Variants in TMEM18 observed in about 807,000 individuals in gnomAD.
TMEM18 encodes transmembrane protein 18.
A neutral mutation model predicts 17.4 loss-of-function variants in TMEM18; 14 were observed. The observed-to-expected ratio is 0.80, with a 90% confidence interval of 0.53 to 1.25. TMEM18 has a LOEUF of 1.25. TMEM18 is among the 50% of genes most tolerant of loss of function. The probability of loss-of-function intolerance (pLI) is 0.00; values close to 1 mark genes in which losing one functional copy is unlikely to be tolerated. For missense variants in TMEM18, 187 were observed against 172.1 expected, an observed-to-expected ratio of 1.09 and a Z score of -0.48; for synonymous variants, 86 against 66.1, an observed-to-expected ratio of 1.30 and a Z score of -1.46.
At chr2:674,517 C>G (rs938512897) in intron 2 of TMEM18, among the ~76,000 whole-genome samples, 1 of 152,194 alleles carries the variant, frequency 6.6e-6, no homozygotes, top group Admixed American at 6.5e-5. Flanking sequence ...GTGCTGGTGT[C>G]CCCCAGGAAG....
At chr2:675,444 A>G in intron 2 of TMEM18, 66 bp downstream of exon 2, 1 of 1,605,700 alleles carries the variant, frequency 6.2e-7, no homozygotes, top group Admixed American at 1.7e-5. Context: ...GAAGACACAG[A>G]CAGAACATAC....
chr2:666,308 G>A lies in TMEM18; in HGVS notation c.*3272C>T, dbSNP rs1484982514. ...GAAGGCTGCAGGGAGCTCCTTCTCTGTCCTCAGGTTCCTTTCAGGGCCTGT... is the reference window on the plus strand; with the variant it reads ...GAAGGCTGCAGGGAGCTCCTTCTCTATCCTCAGGTTCCTTTCAGGGCCTGT... On this transcript the variant is annotated 3_prime_UTR_variant, in exon 5 of 5. Coordinates refer to ENST00000281017, the MANE Select transcript of TMEM18 (RefSeq NM_152834.4). 6.6e-6 allele frequency among the ~76,000 whole-genome samples: 1 copy of A among 152,202 alleles called. No individual in the cohort carries two copies. The highest frequency in any genetic ancestry group is 6.5e-5 in the Admixed American group (1 of 15,286).
rs544699238 is a variant in TMEM18, at chr2:666,508, A to G, written c.*3072T>C. On this transcript the variant is annotated 3_prime_UTR_variant, in exon 5 of 5. Transcript: ENST00000281017. Reference sequence around the variant, plus strand: ...TAGAAAGCTTACCAGGCCGATGAGGATGCTTGCTGTCAACTGTTCCAGCCC... The same window carrying G: ...TAGAAAGCTTACCAGGCCGATGAGGGTGCTTGCTGTCAACTGTTCCAGCCC... 6.6e-6 allele frequency among the ~76,000 whole-genome samples: 1 copy of G among 152,300 alleles called. No homozygotes were observed. The highest frequency in any genetic ancestry group is 1.9e-4 in the East Asian group (1 of 5,170).
rs1219663200 is a variant in TMEM18 at position 663,904 on chromosome 2, T to C, written c.*5676A>G. On this transcript the variant is annotated 3_prime_UTR_variant, in exon 5 of 5. Coordinates refer to ENST00000281017, the MANE Select transcript of TMEM18 (RefSeq NM_152834.4). ...TAAAGAGCAAAAAAGCCAACATGAG[T>C]AACTTTATTTATAAAGGTGTCACAG... 6.6e-6 allele frequency among the ~76,000 whole-genome samples: 1 copy of C among 152,204 alleles called. No homozygotes were observed. Among genetic ancestry groups the C allele is most frequent in the Non-Finnish European group, 1.5e-5 (1 of 68,038 alleles).
chr2:672,855 T>C lies in TMEM18; in HGVS notation c.186A>G (p.Leu62=). 6.6e-7 allele frequency: 1 copy of C among 1,508,876 alleles called. No homozygotes were observed. Among genetic ancestry groups the C allele is most frequent in the Non-Finnish European group, 8.8e-7 (1 of 1,142,126 alleles). 93.5% of individuals were successfully genotyped at this position (1,508,876 alleles called of 1,614,324 possible). ...QIGHFLCLVI[L]VYCAEYINEA... ...CATTGATGTATTCAGCACAGTAGAC[T>C]AAGATGACTGAAAAAAGGTACAAGT... The change falls in exon 3 of 5, where the codon TTA becomes TTG. Residue 62 remains leucine, a synonymous_variant. Transcript: ENST00000281017.
rs559736194 is a variant in TMEM18, at chr2:670,265, C to T, written c.234-415G>A. ...GTAAATGACAAAGGGACAGCAGCTG[C>T]GTCTGCTCCACAGCTGCACTGGGAA... On this transcript the variant is annotated intron_variant, in intron 3 of 4. Transcript: ENST00000281017. The T allele has an allele frequency of 5.6e-4, 97 of 172,094 alleles. No individual in the cohort carries two copies. In the South Asian group the frequency reaches 0.011, roughly 19 times the overall value. 10.7% of individuals were successfully genotyped at this position (172,094 alleles called of 1,614,324 possible).
In TMEM18 at chr2:677,370, G is replaced by A. The variant is rs1231060176; in HGVS notation, c.-25C>T. ...TGGTGTTGGGAAGCCCGCTCTCACA[G>A]CAACCGCCGAACCCGGCCTGGCCAG... On this transcript the variant is annotated 5_prime_UTR_variant, in exon 1 of 5. Coordinates refer to ENST00000281017, the MANE Select transcript of TMEM18 (RefSeq NM_152834.4). The A allele has an allele frequency of 1.2e-6, 2 of 1,605,586 alleles. No individual in the cohort carries two copies. The highest frequency in any genetic ancestry group is 2.2e-5 in the South Asian group (2 of 89,924).
chr2:670,157 G>A (rs1392508127), intron 3 of TMEM18: 1 of 323,796 alleles, frequency 3.1e-6, no homozygotes. Flanking sequence ...GTCATCAGCA[G>A]CACATCTGAC....
At position 668,937 on chromosome 2, in the gene TMEM18, G is replaced by T. The variant is rs925259120; in HGVS notation, c.*643C>A. On this transcript the variant is annotated 3_prime_UTR_variant, in exon 5 of 5. Transcript: ENST00000281017. ...TTGGTTCATCAAACTGAGATACAAC[G>T]TATTTTCCAAGAGCTTCCTTCCAAG... 4 of 152,298 alleles carry T rather than the reference G, an allele frequency of 2.6e-5. No homozygotes were observed. The highest frequency in any genetic ancestry group is 7.2e-5 in the African/African-American group (3 of 41,468). 9.4% of individuals were successfully genotyped at this position (152,298 alleles called of 1,614,324 possible).
rs1416180149 is a variant in TMEM18 at position 668,625 on chromosome 2, A to G, written c.*955T>C. On this transcript the variant is annotated 3_prime_UTR_variant, in exon 5 of 5. Coordinates refer to ENST00000281017, the MANE Select transcript of TMEM18 (RefSeq NM_152834.4). The stretch of plus-strand genomic sequence containing the variant: ...ATTCCCTTATTGAACACCTATTTTT[A>G]AATATCTGGGTCTCTAACCACCTGT... 1 of 152,246 alleles carries G rather than the reference A, an allele frequency of 6.6e-6. No homozygotes were observed. Among genetic ancestry groups the G allele is most frequent in the Non-Finnish European group, 1.5e-5 (1 of 68,044 alleles). The allele number at this position is 152,246 out of a possible 1,614,324, so 9.4% of individuals were successfully genotyped here.
chr2:676,803 T>C lies in TMEM18; in HGVS notation c.57+486A>G. 7.1e-6 allele frequency: 5 copies of C among 704,090 alleles called. No homozygotes were observed. In the East Asian group the frequency reaches 1.1e-4, roughly 15 times the overall value. The allele number at this position is 704,090 out of a possible 1,614,324, so 43.6% of individuals were successfully genotyped here. ...GCCGCACTGCCAGAATCCGCCCACA[T>C]GGCCCAAGCCCCGCCCGCAAGACGC... On this transcript the variant is annotated intron_variant, in intron 1 of 4. Coordinates refer to ENST00000281017, the MANE Select transcript of TMEM18 (RefSeq NM_152834.4).
At chr2:670,219 A>G (rs953311949) in intron 3 of TMEM18, 21 of 196,970 alleles carry the variant, frequency 1.1e-4, no homozygotes, top group African/African-American at 4.7e-4. Context: ...ACAGAGTAAC[A>G]ACGTCAATAA....
At chr2:675,935 A>T in intron 1 of TMEM18, 2 of 1,394,706 alleles carry the variant, frequency 1.4e-6, no homozygotes, top group Non-Finnish European at 1.9e-6. Context: ...TGTGGAACAG[A>T]ATCATGTTTT....
In TMEM18 at chr2:669,486, TCAG is replaced by T. The variant is rs1678779530; in HGVS notation, c.*91_*93del. 1 of 1,252,612 alleles carries T rather than the reference TCAG, an allele frequency of 8.0e-7. No homozygotes were observed. The highest frequency in any genetic ancestry group is 1.3e-5 in the South Asian group (1 of 75,320). The allele number at this position is 1,252,612 out of a possible 1,614,324, so 77.6% of individuals were successfully genotyped here. A position where few individuals can be genotyped will look rare whatever the true frequency, so the allele number is the denominator to read the frequency against. On this transcript the variant is annotated 3_prime_UTR_variant, in exon 5 of 5. Transcript: ENST00000281017. The stretch of plus-strand genomic sequence containing the variant: ...AAACAACGGTTTTTCAAACCATGAG[TCAG>T]CTGGAAGGATGCCCACGCCACGCAC...
intron 2 of TMEM18, among the ~76,000 whole-genome samples, 154 bp downstream of exon 2, chr2:675,356 G>A (rs1678969033): frequency 6.6e-6 from 1 of 152,238 alleles, no homozygotes; most frequent in African/African-American, 2.4e-5. Context: ...TAGCTTCCAA[G>A]AGTGAAAAAC....
In TMEM18 at chr2:668,296, G is replaced by A. The variant is rs566272433; in HGVS notation, c.*1284C>T. ...CCAAACCATATCAGATGGTGAAAAT[G>A]TTATACTAAAAATGCACAGTCTCTA... is the stretch of plus-strand genomic sequence containing the variant. On this transcript the variant is annotated 3_prime_UTR_variant, in exon 5 of 5. Coordinates refer to ENST00000281017, the MANE Select transcript of TMEM18 (RefSeq NM_152834.4). 3.3e-5 allele frequency: 5 copies of A among 152,318 alleles called. No individual in the cohort carries two copies. The South Asian group carries it at 1.0e-3, about 32-fold the overall frequency. 9.4% of individuals were successfully genotyped at this position (152,318 alleles called of 1,614,324 possible). A position where few individuals can be genotyped will look rare whatever the true frequency, so the allele number is the denominator to read the frequency against.
intron 1 of TMEM18, 200 bp downstream of exon 1, chr2:677,089 C>T (rs1011422971): frequency 1.1e-5 from 7 of 617,268 alleles, no homozygotes; most frequent in South Asian, 2.0e-5. Context: ...GCCCAGGACC[C>T]CGCCCACAGC....
At chr2:677,032 G>A (rs1437407321) in intron 1 of TMEM18, among the ~76,000 whole-genome samples, 2 of 37,080 alleles carry the variant, frequency 5.4e-5, no homozygotes, top group African/African-American at 2.4e-4. Flanking sequence ...CCAGGACCCC[G>A]CCTAGCGCTC....
intron 2 of TMEM18, among the ~76,000 whole-genome samples, chr2:674,261 G>T (rs1248626281): frequency 6.6e-6 from 1 of 152,170 alleles, no homozygotes; most frequent in Non-Finnish European, 1.5e-5. Context: ...TTCAGATCCA[G>T]GAGCTCAGCT....
Sources: gnomAD v4.1 joint callset for allele counts (sites outside exome capture counted in the v4.1 genomes callset) on GRCh38, gnomAD v4.1.1 for gene constraint, MANE v1.5 for transcripts, NCBI Gene and HGNC (gene_info 2026-07-23, HGNC 2026-07-21) for gene names.